The following RAPGEF4 variants were observed in gnomAD, a reference collection of about 807,000 sequenced individuals.
RAPGEF4 encodes the protein RAP guanine-nucleotide-exchange factor (GEF) 4.
In RAPGEF4, 66 loss-of-function variants were observed where a neutral mutation model predicts 147.9. The observed-to-expected ratio is 0.45, with a 90% CI of 0.37 to 0.55. The LOEUF (loss-of-function observed/expected upper bound fraction) is 0.55. Among genes scored for constraint, RAPGEF4 ranks in the 20% least tolerant of loss-of-function variants. RAPGEF4 has a pLI of 0.00. For synonymous variants in RAPGEF4, 419 were observed against 442.7 expected (o/e 0.95, Z 0.67); for missense variants, 1,071 against 1,257.3 (o/e 0.85, Z 2.24).
chr2:172,896,580 C>A (rs185816125), intron 4 of RAPGEF4, among the ~76,000 whole-genome samples: 25 of 151,398 alleles, frequency 1.7e-4, no homozygotes, highest in East Asian at 1.2e-3. Flanking sequence ...CCATCCCACC[C>A]CCCCCCAAAA....
chr2:173,026,555 T>C lies in RAPGEF4; in HGVS notation c.2254-17T>C. On this transcript the variant is annotated splice_polypyrimidine_tract_variant and intron_variant, in intron 23 of 30. Coordinates refer to ENST00000397081, the MANE Select transcript of RAPGEF4 (RefSeq NM_007023.4). ...CTGTGTTGAGTTTCTGATATGTTTTTGCATTATTATTCATAGACTCCCTTA... is the reference window on the plus strand; with the variant it reads ...CTGTGTTGAGTTTCTGATATGTTTTCGCATTATTATTCATAGACTCCCTTA... 2 of 1,610,046 alleles carry C rather than the reference T, an allele frequency of 1.2e-6. No individual in the cohort carries two copies. Among genetic ancestry groups the C allele is most frequent in the Non-Finnish European group, 1.7e-6 (2 of 1,178,244 alleles).
chr2:172,861,200 T>C lies in RAPGEF4; in HGVS notation c.444+46775T>C, dbSNP rs951745098. On this transcript the variant is annotated intron_variant, in intron 4 of 30. Coordinates refer to ENST00000397081, the MANE Select transcript of RAPGEF4 (RefSeq NM_007023.4). ...CTCACCGAGAAGATTGCTTAAATAA[T>C]GCATGGGCAAGAGCGAAGCAAGATG... Among the ~76,000 whole-genome samples, 6 of 152,250 alleles carry C rather than the reference T, an allele frequency of 3.9e-5. No homozygotes were observed. In the East Asian group the frequency reaches 9.7e-4, roughly 25 times the overall value.
intron 1 of RAPGEF4, among the ~76,000 whole-genome samples, chr2:172,792,204 C>A (rs1017594160): frequency 6.6e-6 from 1 of 152,228 alleles, no homozygotes; most frequent in Non-Finnish European, 1.5e-5. Flanking sequence ...GGCGCCTCTG[C>A]CAGCTGCTGC....
At chr2:172,748,604 A>C (rs1382280398) in intron 1 of RAPGEF4, among the ~76,000 whole-genome samples, 1 of 152,180 alleles carries the variant, frequency 6.6e-6, no homozygotes. Flanking sequence ...GCTACAATTC[A>C]AGATAGATTT....
intron 19 of RAPGEF4, among the ~76,000 whole-genome samples, 199 bp downstream of exon 19, chr2:173,016,636 G>GA (rs1288268800): frequency 1.3e-5 from 2 of 152,230 alleles, no homozygotes; most frequent in African/African-American, 4.8e-5. Flanking sequence ...TTCTGTGCTA[G>GA]AGGGCTGCCA....
At chr2:172,924,245 G>A (rs1454757171) in intron 6 of RAPGEF4, among the ~76,000 whole-genome samples, 1 of 152,336 alleles carries the variant, frequency 6.6e-6, no homozygotes, top group African/African-American at 2.4e-5. Context: ...GGTCGCTCTT[G>A]GGCACCCAGT....
At chr2:173,021,554 C>T (rs998158347) in intron 23 of RAPGEF4, among the ~76,000 whole-genome samples, 19 of 152,078 alleles carry the variant, frequency 1.2e-4, no homozygotes, top group Non-Finnish European at 2.5e-4. Flanking sequence ...CGCCACTGCA[C>T]TCCAGCCTGG....
chr2:172,885,233 G>T lies in RAPGEF4; in HGVS notation c.445-32569G>T, dbSNP rs948826915. Among the ~76,000 whole-genome samples the T allele has an allele frequency of 2.6e-5, 4 of 152,204 alleles. No homozygotes were observed. The South Asian group carries it at 8.3e-4, about 32-fold the overall frequency. On this transcript the variant is annotated intron_variant, in intron 4 of 30. Coordinates refer to ENST00000397081, the MANE Select transcript of RAPGEF4 (RefSeq NM_007023.4). Reference sequence around the variant, plus strand: ...CACACAGTTCCCCAGTGGGTCCCCAGCAGGACAGAGCCCCAGTTGCCCATG... The same window carrying T: ...CACACAGTTCCCCAGTGGGTCCCCATCAGGACAGAGCCCCAGTTGCCCATG...
intron 6 of RAPGEF4, among the ~76,000 whole-genome samples, chr2:172,945,405 G>A (rs1687586769): frequency 6.6e-6 from 1 of 151,944 alleles, no homozygotes; most frequent in Non-Finnish European, 1.5e-5. Flanking sequence ...CTGCCCTCAG[G>A]TTTCTGAGTC....
At chr2:172,917,022 G>C (rs1213999634) in intron 4 of RAPGEF4, among the ~76,000 whole-genome samples, 1 of 152,186 alleles carries the variant, frequency 6.6e-6, no homozygotes, top group Non-Finnish European at 1.5e-5. Flanking sequence ...AGAAGAGAGG[G>C]TGGCTAATAT....
At chr2:172,846,622 T>TACTCAAC (rs1240264300) in intron 4 of RAPGEF4, among the ~76,000 whole-genome samples, 1 of 152,176 alleles carries the variant, frequency 6.6e-6, no homozygotes, top group East Asian at 1.9e-4. Context: ...ATCGTGCATT[T>TACTCAAC]ACTCAACAGA....
intron 6 of RAPGEF4, among the ~76,000 whole-genome samples, chr2:172,946,155 G>C (rs558576880): frequency 6.6e-6 from 1 of 152,244 alleles, no homozygotes; most frequent in South Asian, 2.1e-4. Flanking sequence ...ATAGCAACAT[G>C]TAAAATTGCT....
rs563548869 is a variant in RAPGEF4 at position 172,737,005 on chromosome 2, T to A, written c.65+957T>A. Among the ~76,000 whole-genome samples, 26 of 152,318 alleles carry A rather than the reference T, an allele frequency of 1.7e-4. No individual in the cohort carries two copies. The East Asian group carries it at 5.0e-3, about 29-fold the overall frequency. On this transcript the variant is annotated intron_variant, in intron 1 of 30. Coordinates refer to ENST00000397081, the MANE Select transcript of RAPGEF4 (RefSeq NM_007023.4). ...TTTTGTGCTCTGCCATATTGAAAAA[T>A]TTTCAATTAACAGATTCGTAACCAG...
intron 4 of RAPGEF4, among the ~76,000 whole-genome samples, chr2:172,888,934 T>C (rs3769277): frequency 0.029 from 4,435 of 152,234 alleles, 153 homozygotes; most frequent in South Asian, 0.15. Flanking sequence ...TTGTCCATCT[T>C]CCTGGGGCTG....
chr2:172,917,882 GA>G lies in RAPGEF4; in HGVS notation c.517+12del. The stretch of plus-strand genomic sequence containing the variant: ...CGGGCTCTAACAATGACAGTAAGTG[GA>G]AAATGTGAACATTTTGTATCTAAAA... On this transcript the variant is annotated intron_variant, in intron 5 of 30. Transcript: ENST00000397081. 1.2e-6 allele frequency: 2 copies of G among 1,609,880 alleles called. No homozygotes were observed. The highest frequency in any genetic ancestry group is 1.7e-6 in the Non-Finnish European group (2 of 1,176,258).
chr2:172,897,557 C>G (rs1395923519), intron 4 of RAPGEF4, among the ~76,000 whole-genome samples: 1 of 151,764 alleles, frequency 6.6e-6, no homozygotes, highest in Non-Finnish European at 1.5e-5. Context: ...TGCCACCATA[C>G]CTGACTAATT....
chr2:173,043,452 G>T (rs2106056476), intron 29 of RAPGEF4, among the ~76,000 whole-genome samples: 1 of 152,350 alleles, frequency 6.6e-6, no homozygotes, highest in Non-Finnish European at 1.5e-5. Flanking sequence ...TGTGGCCGCT[G>T]TCTGGGAGCG....
intron 4 of RAPGEF4, among the ~76,000 whole-genome samples, chr2:172,858,232 A>C (rs892653906): frequency 3.9e-5 from 6 of 152,208 alleles, no homozygotes; most frequent in African/African-American, 1.4e-4. Context: ...GTTTGAATTA[A>C]CATTTACCAA....
rs151310415 is a variant in RAPGEF4 at position 172,930,476 on chromosome 2, T to TA, written c.537+8177dup. Among the ~76,000 whole-genome samples the TA allele has an allele frequency of 1.4e-4, 22 of 152,330 alleles. No individual in the cohort carries two copies. The East Asian group carries it at 4.0e-3, about 28-fold the overall frequency. On this transcript the variant is annotated intron_variant, in intron 6 of 30. Transcript: ENST00000397081. ...CTCTGACCTCCAGCTCCTTTTCCGT[T>TA]ATAATTACCCAATCAATACTCCCTC...
Sources: gnomAD v4.1 joint callset for allele counts (sites outside exome capture counted in the v4.1 genomes callset) on GRCh38, gnomAD v4.1.1 for gene constraint, MANE v1.5 for transcripts, NCBI Gene and HGNC (gene_info 2026-07-23, HGNC 2026-07-21) for gene names.